PPFIA2: variants seen among roughly 807,000 people sequenced by gnomAD.
The protein encoded by PPFIA2 is PPFI scaffold protein A2, also known as liprin-alpha-2.
Under a neutral mutation model 175.5 loss-of-function variants are expected in PPFIA2, and 46 were observed. The observed-to-expected ratio is 0.26, with a 90% CI of 0.21 to 0.34. The LOEUF is 0.34. Among genes scored for constraint, PPFIA2 ranks in the 10% least tolerant of loss-of-function variants. The pLI is 1.00. For missense variants in PPFIA2, 1,179 were observed against 1,506.1 expected, an observed-to-expected ratio of 0.78 and a Z score of 3.60; for synonymous variants, 568 against 511.4, an observed-to-expected ratio of 1.11 and a Z score of -1.49.
intron 4 of PPFIA2, among the ~76,000 whole-genome samples, chr12:81,492,787 T>C (rs931499234): frequency 1.3e-5 from 2 of 152,058 alleles, no homozygotes; most frequent in African/African-American, 4.8e-5. Flanking sequence ...GTCAGATTTC[T>C]GTATAAATGT....
intron 7 of PPFIA2, among the ~76,000 whole-genome samples, chr12:81,438,189 G>A (rs2049442960): frequency 6.6e-6 from 1 of 152,086 alleles, no homozygotes. Flanking sequence ...CAAAAGAGTG[G>A]CTGGGCGCGG....
At position 81,510,302 on chromosome 12, in the gene PPFIA2, T is replaced by C. The variant is rs114385759; in HGVS notation, c.304-52436A>G. Among the ~76,000 whole-genome samples the C allele has an allele frequency of 8.4e-3, 1,272 of 152,252 alleles. 21 individuals carry two copies. Among genetic ancestry groups the C allele is most frequent in the African/African-American group, 0.029 (1,196 of 41,564 alleles). Reference sequence around the variant, plus strand: ...TCCCACAGGAACCATACATTTCTCATGAGCTCCTGTAATTTGAACTTTACC... The same window carrying C: ...TCCCACAGGAACCATACATTTCTCACGAGCTCCTGTAATTTGAACTTTACC... On this transcript the variant is annotated intron_variant, in intron 4 of 32. Coordinates refer to ENST00000549396, the MANE Select transcript of PPFIA2 (RefSeq NM_003625.5).
intron 22 of PPFIA2, among the ~76,000 whole-genome samples, chr12:81,317,372 A>C (rs2052627603): frequency 1.3e-5 from 2 of 151,690 alleles, no homozygotes; most frequent in Admixed American, 1.3e-4. Context: ...GGTTTTAGGC[A>C]GCTAAAAAAT....
intron 4 of PPFIA2, among the ~76,000 whole-genome samples, chr12:81,481,505 C>T (rs550320512): frequency 2.0e-5 from 3 of 152,190 alleles, no homozygotes; most frequent in Non-Finnish European, 4.4e-5. Context: ...TACAAGGCTA[C>T]AGTAACCAAA....
At chr12:81,581,461 C>T (rs188103395) in intron 4 of PPFIA2, among the ~76,000 whole-genome samples, 3 of 151,768 alleles carry the variant, frequency 2.0e-5, no homozygotes, top group South Asian at 2.1e-4. Flanking sequence ...GGACTTTACG[C>T]GCAGGTCCTC....
rs140925204 is a variant in PPFIA2 at position 81,329,685 on chromosome 12, T to C, written c.2549-3815A>G. ...GCGACTCACTAGGCTCCCTGGGGCATCTGGTCGAGTGCATGCGTGGCGTAG... is the reference window on the plus strand; with the variant it reads ...GCGACTCACTAGGCTCCCTGGGGCACCTGGTCGAGTGCATGCGTGGCGTAG... On this transcript the variant is annotated intron_variant, in intron 21 of 32. Transcript: ENST00000549396. 9.9e-5 allele frequency among the ~76,000 whole-genome samples: 15 copies of C among 152,080 alleles called. No homozygotes were observed. The East Asian group carries it at 2.9e-3, about 29-fold the overall frequency.
Position 81,704,904 on chromosome 12 carries a change from T to C in PPFIA2, c.250-28060A>G, listed in dbSNP as rs939722249. ...TTTGAGACCAGCCTGACCAACATGG[T>C]GAAATCCTGTCTCTACTAAAAATAC... On this transcript the variant is annotated intron_variant, in intron 3 of 32. Coordinates refer to ENST00000549396, the MANE Select transcript of PPFIA2 (RefSeq NM_003625.5). 1.4e-4 allele frequency among the ~76,000 whole-genome samples: 21 copies of C among 149,366 alleles called. No individual in the cohort carries two copies. In the East Asian group the frequency reaches 4.0e-3, roughly 29 times the overall value.
intron 4 of PPFIA2, among the ~76,000 whole-genome samples, chr12:81,601,149 T>C (rs1349011859): frequency 6.6e-6 from 1 of 151,972 alleles, no homozygotes; most frequent in African/African-American, 2.4e-5. Context: ...TAGATTAATG[T>C]TAAAAGAGGC....
chr12:81,687,696 G>A (rs978443723), intron 3 of PPFIA2: 2 of 151,924 alleles, frequency 1.3e-5, no homozygotes, highest in African/African-American at 2.4e-5. Context: ...ATTGCTTTAT[G>A]TTCTTTACAG....
intron 4 of PPFIA2, among the ~76,000 whole-genome samples, chr12:81,673,244 A>G (rs1332014908): frequency 6.6e-6 from 1 of 152,052 alleles, no homozygotes; most frequent in African/African-American, 2.4e-5. Context: ...ACAGCTCTCC[A>G]GATAGCAGGT....
At chr12:81,465,432 AT>A (rs1307683845) in intron 4 of PPFIA2, 5 of 152,192 alleles carry the variant, frequency 3.3e-5, no homozygotes, top group Admixed American at 1.3e-4. Context: ...TCAGGAAAGC[AT>A]ATGGCATGGA....
intron 4 of PPFIA2, among the ~76,000 whole-genome samples, chr12:81,605,421 AGAG>A (rs1157717002): frequency 1.3e-5 from 2 of 151,712 alleles, no homozygotes; most frequent in African/African-American, 4.8e-5. Context: ...GAGAAAAGGG[AGAG>A]GAGAGAGGAG....
intron 4 of PPFIA2, among the ~76,000 whole-genome samples, chr12:81,593,092 T>C (rs1455690062): frequency 1.3e-5 from 2 of 152,120 alleles, no homozygotes; most frequent in Non-Finnish European, 2.9e-5. Flanking sequence ...TTCATGCAAT[T>C]GAGATTTTCA....
chr12:81,420,486 T>TA (rs762502116), intron 7 of PPFIA2, among the ~76,000 whole-genome samples: 7 of 151,384 alleles, frequency 4.6e-5, no homozygotes, highest in Non-Finnish European at 8.8e-5. Context: ...GTAAAAATCA[T>TA]AAAAAAGAGT....
chr12:81,754,792 T>G (rs1175770521), intron 2 of PPFIA2, among the ~76,000 whole-genome samples: 1 of 152,192 alleles, frequency 6.6e-6, no homozygotes, highest in Non-Finnish European at 1.5e-5. Context: ...TTTACTTTGT[T>G]TTTTAGTCAA....
intron 20 of PPFIA2, among the ~76,000 whole-genome samples, chr12:81,339,662 C>A (rs1362541362): frequency 6.6e-6 from 1 of 151,918 alleles, no homozygotes; most frequent in African/African-American, 2.4e-5. Context: ...GCACTTGATC[C>A]ATTGTCTATT....
intron 4 of PPFIA2, among the ~76,000 whole-genome samples, chr12:81,579,349 C>A (rs1343685149): frequency 6.6e-6 from 1 of 151,742 alleles, no homozygotes; most frequent in Non-Finnish European, 1.5e-5. Context: ...TTTTAAAAAA[C>A]TAATCACATT....
chr12:81,647,015 G>T (rs990859940), intron 4 of PPFIA2, among the ~76,000 whole-genome samples: 2 of 148,288 alleles, frequency 1.3e-5, no homozygotes, highest in East Asian at 2.0e-4. Flanking sequence ...TTCAGGCAGA[G>T]ATATGAAATT....
intron 4 of PPFIA2, among the ~76,000 whole-genome samples, chr12:81,585,028 AAT>A (rs1341090316): frequency 4.7e-4 from 38 of 80,186 alleles, no homozygotes; most frequent in Middle Eastern, 0.011. Flanking sequence ...ATAATATATT[AAT>A]TATATTTATA....
Sources: gnomAD v4.1 joint callset for allele counts (sites outside exome capture counted in the v4.1 genomes callset) on GRCh38, gnomAD v4.1.1 for gene constraint, MANE v1.5 for transcripts, NCBI Gene and HGNC (gene_info 2026-07-23, HGNC 2026-07-21) for gene names.